The following CSNK2A2 variants were observed in gnomAD, a reference collection of about 807,000 sequenced individuals.
The protein encoded by CSNK2A2 is casein kinase II subunit alpha'.
In CSNK2A2, 8 loss-of-function variants were observed where a neutral mutation model predicts 54.0. That is an observed-to-expected ratio of 0.15 (90% confidence interval 0.09 to 0.27). CSNK2A2 has a LOEUF of 0.27. Ranked by LOEUF, CSNK2A2 falls within the 10% of genes least tolerant of loss-of-function variation. The pLI is 1.00. For synonymous variants in CSNK2A2, 141 were observed against 153.9 expected (o/e 0.92, Z 0.62); for missense variants, 242 against 439.4 (o/e 0.55, Z 4.02).
intron 4 of CSNK2A2, among the ~76,000 whole-genome samples, chr16:58,176,622 C>A (rs748609649): frequency 1.3e-5 from 2 of 152,204 alleles, no homozygotes; most frequent in Non-Finnish European, 2.9e-5. Context: ...CAGGAGTCCA[C>A]AGCTCTGACA....
intron 3 of CSNK2A2, among the ~76,000 whole-genome samples, chr16:58,185,518 TACCA>T (rs1962169333): frequency 6.6e-6 from 1 of 152,248 alleles, no homozygotes; most frequent in African/African-American, 2.4e-5. Flanking sequence ...GCTCCTGGTA[TACCA>T]CATACTGACT....
At chr16:58,196,112 TA>T (rs1367957776) in intron 2 of CSNK2A2, among the ~76,000 whole-genome samples, 16 of 152,350 alleles carry the variant, frequency 1.1e-4, no homozygotes, top group African/African-American at 3.4e-4. Context: ...AGGGAGCCCT[TA>T]AATTGAGAGT....
At position 58,198,071 on chromosome 16, in the gene CSNK2A2, G is replaced by A. The variant is rs1962524906; in HGVS notation, c.-335C>T. On this transcript the variant is annotated 5_prime_UTR_variant, in exon 1 of 12. Transcript: ENST00000262506. ...AGCGGCAGCCACCGGCCGGGAAAGGGGCAGCGGCGGCGGCAGCGGAGAAGA... is the reference window on the plus strand; with the variant it reads ...AGCGGCAGCCACCGGCCGGGAAAGGAGCAGCGGCGGCGGCAGCGGAGAAGA... Among the ~76,000 whole-genome samples the A allele has an allele frequency of 1.4e-5, 2 of 146,454 alleles. No homozygotes were observed. The highest frequency in any genetic ancestry group is 4.2e-4 in the South Asian group (2 of 4,804).
At chr16:58,181,933 T>C (rs992618539) in intron 4 of CSNK2A2, among the ~76,000 whole-genome samples, 1 of 152,112 alleles carries the variant, frequency 6.6e-6, no homozygotes, top group Non-Finnish European at 1.5e-5. Context: ...AAGATGAAAC[T>C]AGAATGGCTT....
intron 2 of CSNK2A2, among the ~76,000 whole-genome samples, chr16:58,188,427 A>G (rs1962245862): frequency 6.6e-6 from 1 of 152,230 alleles, no homozygotes; most frequent in Non-Finnish European, 1.5e-5. Flanking sequence ...CCAGGGAAGG[A>G]CACACTACAA....
intron 11 of CSNK2A2, chr16:58,158,988 A>T (rs1223621161): frequency 2.0e-5 from 3 of 152,340 alleles, no homozygotes; most frequent in Middle Eastern, 3.4e-3. Flanking sequence ...ACAGCACTAC[A>T]GTACTGAGGA....
chr16:58,180,092 A>AAG (rs1555506217), intron 4 of CSNK2A2, among the ~76,000 whole-genome samples: 1 of 149,644 alleles, frequency 6.7e-6, no homozygotes, highest in Non-Finnish European at 1.5e-5. Flanking sequence ...AAAAAAAAAA[A>AAG]AAAGAAAAAG....
chr16:58,192,888 A>G (rs1404798068), intron 2 of CSNK2A2: 2 of 152,258 alleles, frequency 1.3e-5, no homozygotes, highest in African/African-American at 4.8e-5. Flanking sequence ...TTGATTTGTA[A>G]AAAGGGCCTG....
chr16:58,187,694 TAATA>T (rs1962225172), intron 2 of CSNK2A2, among the ~76,000 whole-genome samples: 1 of 152,276 alleles, frequency 6.6e-6, no homozygotes, highest in East Asian at 1.9e-4. Context: ...AGTAAGCACC[TAATA>T]AATGATAGTG....
chr16:58,185,959 A>C (rs1040881098), intron 3 of CSNK2A2, among the ~76,000 whole-genome samples: 2 of 152,254 alleles, frequency 1.3e-5, no homozygotes, highest in African/African-American at 4.8e-5. Context: ...GTTAGCTACT[A>C]TATTATTATG....
chr16:58,164,228 G>A lies in CSNK2A2; in HGVS notation c.977-81C>T, dbSNP rs558335418. 8.2e-5 allele frequency: 109 copies of A among 1,323,868 alleles called. 1 individual carries two copies. The highest frequency in any genetic ancestry group is 3.5e-4 in the African/African-American group (24 of 69,532). 82.0% of individuals were successfully genotyped at this position (1,323,868 alleles called of 1,614,324 possible). ...CCCATGGCAAACCCACCCTTTCAAC[G>A]GAAAGAGAGACAGACTGATGGGCAA... On this transcript the variant is annotated intron_variant, in intron 10 of 11. Coordinates refer to ENST00000262506, the MANE Select transcript of CSNK2A2 (RefSeq NM_001896.4).
chr16:58,172,314 A>G (rs1040118304), intron 5 of CSNK2A2, among the ~76,000 whole-genome samples: 6 of 152,088 alleles, frequency 3.9e-5, no homozygotes, highest in Non-Finnish European at 8.8e-5. Context: ...CTGTTTTATA[A>G]TAACTGTAGC....
Position 58,167,317 on chromosome 16 carries a change from A to G in CSNK2A2, c.625-9T>C, listed in dbSNP as rs747959465. On this transcript the variant is annotated splice_polypyrimidine_tract_variant and intron_variant, in intron 7 of 11. Transcript: ENST00000262506. ...AAGCTATAATCATACATCTGAGGCA[A>G]TAAGGACAACGCATTAGCCAAGGGT... is the stretch of plus-strand genomic sequence containing the variant. The G allele has an allele frequency of 5.6e-6, 9 of 1,600,400 alleles. No individual in the cohort carries two copies. Among genetic ancestry groups the G allele is most frequent in the South Asian group, 4.5e-5 (4 of 89,672 alleles).
intron 2 of CSNK2A2, among the ~76,000 whole-genome samples, chr16:58,189,904 C>T (rs901334991): frequency 6.6e-6 from 1 of 152,174 alleles, no homozygotes; most frequent in Non-Finnish European, 1.5e-5. Context: ...CCAATGAGCT[C>T]TGAGGAGCTG....
Position 58,197,961 on chromosome 16 carries a change from G to C in CSNK2A2, c.-225C>G, listed in dbSNP as rs1327595681. 6.9e-6 allele frequency: 1 copy of C among 144,728 alleles called. No homozygotes were observed. The highest frequency in any genetic ancestry group is 1.5e-5 in the Non-Finnish European group (1 of 64,984). The allele number at this position is 144,728 out of a possible 1,614,324, so 9.0% of individuals were successfully genotyped here. Reference sequence around the variant, plus strand: ...CGGCCCGGCCCTGGAGCGGCCGGCGGGGCGGCGGGGCGGGCGGCGCTCGCG... The same window carrying C: ...CGGCCCGGCCCTGGAGCGGCCGGCGCGGCGGCGGGGCGGGCGGCGCTCGCG... On this transcript the variant is annotated 5_prime_UTR_variant, in exon 1 of 12. Coordinates refer to ENST00000262506, the MANE Select transcript of CSNK2A2 (RefSeq NM_001896.4). This position sits in a 1 kb window ranked among gnomAD's most constrained non-coding sequence, Gnocchi z 4.0.
intron 8 of CSNK2A2, 100 bp downstream of exon 8, chr16:58,167,107 G>C (rs1028111018): frequency 1.1e-5 from 8 of 715,100 alleles, no homozygotes; most frequent in Non-Finnish European, 1.8e-5. Context: ...TGCAGACACT[G>C]AGTGATACTT....
At chr16:58,179,828 C>T (rs1293979640) in intron 4 of CSNK2A2, among the ~76,000 whole-genome samples, 4 of 152,010 alleles carry the variant, frequency 2.6e-5, no homozygotes, top group African/African-American at 9.7e-5. Context: ...ACCTGTAATC[C>T]CAGCACTTTG....
intron 9 of CSNK2A2, among the ~76,000 whole-genome samples, chr16:58,166,038 A>AT (rs1426410950): frequency 1.3e-5 from 2 of 152,242 alleles, no homozygotes; most frequent in African/African-American, 4.8e-5. Context: ...GTCAGCAGAT[A>AT]TATTTCCCAG....
intron 5 of CSNK2A2, among the ~76,000 whole-genome samples, chr16:58,171,979 A>ATATATATATTTTT (rs1261137669): frequency 1.5e-5 from 1 of 66,186 alleles, no homozygotes; most frequent in Admixed American, 1.9e-4. Context: ...ATATATATAT[A>ATATATATATTTTT]TTTTTTTTTT....
Sources: gnomAD v4.1 joint callset for allele counts (sites outside exome capture counted in the v4.1 genomes callset) on GRCh38, gnomAD v4.1.1 for gene constraint, Gnocchi (gnomAD v3.1) non-coding constraint, MANE v1.5 for transcripts, NCBI Gene and HGNC (gene_info 2026-07-23, HGNC 2026-07-21) for gene names.